CDH23: variants seen among roughly 807,000 people sequenced by gnomAD.
CDH23 encodes cadherin-23.
A neutral mutation model predicts 317.1 loss-of-function variants in CDH23; 189 were observed. That is an observed-to-expected ratio of 0.60 (90% CI 0.53 to 0.67). The LOEUF is 0.67. Among genes scored for constraint, CDH23 ranks in the 30% least tolerant of loss-of-function variants. CDH23 has a pLI of 0.00. For missense variants in CDH23, 4,401 were observed against 4,592.4 expected (o/e 0.96, Z 1.20); for synonymous variants, 1,839 against 1,876.8 (o/e 0.98, Z 0.52).
chr10:71,657,010 G>A (rs1032080952), intron 14 of CDH23, among the ~76,000 whole-genome samples: 5 of 152,194 alleles, frequency 3.3e-5, no homozygotes, highest in African/African-American at 4.8e-5. Context: ...AACCACGCAG[G>A]TGGGGACAGT....
intron 46 of CDH23, among the ~76,000 whole-genome samples, 163 bp from the exon 47 acceptor site, chr10:71,790,969 G>A (rs539844732): frequency 6.6e-6 from 1 of 152,360 alleles, no homozygotes; most frequent in East Asian, 1.9e-4. Context: ...GGGTGGTTGA[G>A]CCTGTGGGGG....
chr10:71,815,201 G>C lies in CDH23; in HGVS notation c.9988G>C (p.Glu3330Gln). The change falls in exon 70 of 70, where the codon GAA (glutamate) becomes CAA (glutamine). Residue 3330 changes from glutamate (E) to glutamine (Q), a missense_variant. Physicochemically the swap from Glu to Gln is conservative, Grantham distance 29. Around this residue, in one of 3 missense-constraint regions of CDH23, gnomAD observed 1,144 missense variants for 1,138.2 expected, o/e 1.01. Transcript: ENST00000224721. The part of the protein sequence containing the change: ...ATAFERNART[E>Q]SAKSTPLHKL... ...TGCCTTCGAGCGCAACGCCCGCACA[G>C]AATCCGCCAAATCCACACCCCTGCA... The C allele has an allele frequency of 6.2e-7, 1 of 1,607,018 alleles. No individual in the cohort carries two copies. The highest frequency in any genetic ancestry group is 1.1e-5 in the South Asian group (1 of 90,892).
rs766404226 is a variant in CDH23 at position 71,784,999 on chromosome 10, G to T, written c.5611G>T (p.Ala1871Ser). Residue 1871 changes from alanine (A) to serine (S), a missense_variant, in exon 43 of 70, where the codon GCC (alanine) becomes TCC (serine). By Grantham distance (99) the Ala-to-Ser change is moderately conservative. This residue lies in a region of CDH23 where 3,068 missense variants were observed against 3,203.3 expected (regional missense o/e 0.96). Transcript: ENST00000224721. ...GAACAGCCCTGTCTCCAGCTTTGTC[G>T]CCCATGTCCTGGCCAGTGACGCTGA... ...SENSPVSSFV[A>S]HVLASDADSG... 6.2e-7 allele frequency: 1 copy of T among 1,613,898 alleles called. No homozygotes were observed. The highest frequency in any genetic ancestry group is 8.5e-7 in the Non-Finnish European group (1 of 1,179,892).
At chr10:71,698,599 C>T (rs1865476316) in intron 22 of CDH23, among the ~76,000 whole-genome samples, 1 of 151,942 alleles carries the variant, frequency 6.6e-6, no homozygotes, top group Non-Finnish European at 1.5e-5. Context: ...ACTCAACTCT[C>T]CCCCAGCTCA....
rs1554868422 is a variant in CDH23 at position 71,759,820 on chromosome 10, T to TATACAC, written c.4846-17859_4846-17858insTACACA. ...GAGTGAAACCGTGTTTCAGAAAATA[T>TATACAC]ACACACACACACACACACACACACA... On this transcript the variant is annotated intron_variant, in intron 38 of 69. Coordinates refer to ENST00000224721, the MANE Select transcript of CDH23 (RefSeq NM_022124.6). Among the ~76,000 whole-genome samples the TATACAC allele has an allele frequency of 4.7e-5, 4 of 85,276 alleles. 1 individual carries two copies. Among genetic ancestry groups the TATACAC allele is most frequent in the Admixed American group, 2.6e-4 (2 of 7,616 alleles). 55.9% of individuals were successfully genotyped at this position (85,276 alleles called of 152,430 possible). A position where few individuals can be genotyped will look rare whatever the true frequency, so the allele number is the denominator to read the frequency against.
chr10:71,429,621 G>T (rs1451401190), intron 1 of CDH23, among the ~76,000 whole-genome samples: 1 of 152,194 alleles, frequency 6.6e-6, no homozygotes, highest in Non-Finnish European at 1.5e-5. Flanking sequence ...GGGGACAGGG[G>T]GGAAAGTCGT....
At chr10:71,561,395 TG>T (rs1857124426) in intron 6 of CDH23, among the ~76,000 whole-genome samples, 1 of 152,012 alleles carries the variant, frequency 6.6e-6, no homozygotes, top group African/African-American at 2.4e-5. Flanking sequence ...TTTTCTCCCT[TG>T]CTGCACACCC....
intron 19 of CDH23, among the ~76,000 whole-genome samples, chr10:71,689,095 G>A (rs1213036719): frequency 4.7e-5 from 6 of 127,656 alleles, no homozygotes; most frequent in Admixed American, 1.5e-4. Context: ...GGTGGAGCCA[G>A]GGGTGGTGGA....
At chr10:71,490,498 G>T (rs190767008) in intron 3 of CDH23, among the ~76,000 whole-genome samples, 1 of 152,324 alleles carries the variant, frequency 6.6e-6, no homozygotes, top group African/African-American at 2.4e-5. Flanking sequence ...AGTGAATAAT[G>T]AGTAGATTAG....
At chr10:71,454,503 T>C (rs1850594465) in intron 3 of CDH23, among the ~76,000 whole-genome samples, 1 of 152,196 alleles carries the variant, frequency 6.6e-6, no homozygotes, top group Non-Finnish European at 1.5e-5. Context: ...CAAAAGAACC[T>C]AGACTGGAAA....
At chr10:71,791,020 C>T in intron 46 of CDH23, 112 bp from the exon 47 acceptor site, 2 of 812,090 alleles carry the variant, frequency 2.5e-6, no homozygotes, top group Non-Finnish European at 4.0e-6. Context: ...TCTTTCATCT[C>T]TGTCCCATGG....
chr10:71,801,595 A>G (rs1012076508), intron 53 of CDH23, among the ~76,000 whole-genome samples: 3 of 152,070 alleles, frequency 2.0e-5, no homozygotes, highest in African/African-American at 7.3e-5. Context: ...CCCAGGCCTC[A>G]AGGTTTTGCT....
At chr10:71,583,584 T>C (rs547598584) in intron 9 of CDH23, among the ~76,000 whole-genome samples, 2 of 152,262 alleles carry the variant, frequency 1.3e-5, no homozygotes, top group East Asian at 1.9e-4. Context: ...GAGGTGCTGA[T>C]AGGACAAGTG....
intron 6 of CDH23, among the ~76,000 whole-genome samples, chr10:71,557,171 G>A (rs1856914492): frequency 6.6e-6 from 1 of 152,130 alleles, no homozygotes; most frequent in Admixed American, 6.5e-5. Context: ...TTATGTAAAT[G>A]TTATTCACAG....
chr10:71,460,113 G>A (rs1409436302), intron 3 of CDH23, among the ~76,000 whole-genome samples: 1 of 152,220 alleles, frequency 6.6e-6, no homozygotes, highest in Non-Finnish European at 1.5e-5. Context: ...GGGCTCATAG[G>A]CATTAAGCTG....
Position 71,446,315 on chromosome 10 carries a change from C to T in CDH23, c.68-3C>T, listed in dbSNP as rs142456469. ...GCTGACGCTCTTGTCCTCTGACTTC[C>T]AGGCCAGGTGAACCGGCTGCCCTTC... On this transcript the variant is annotated splice_polypyrimidine_tract_variant and splice_region_variant and intron_variant, in intron 2 of 69. Transcript: ENST00000224721. 209 of 1,614,012 alleles carry T rather than the reference C, an allele frequency of 1.3e-4. 1 individual carries two copies. In the East Asian group the frequency reaches 3.8e-3, roughly 29 times the overall value.
chr10:71,587,051 T>C (rs949848140), intron 9 of CDH23, among the ~76,000 whole-genome samples: 33 of 152,380 alleles, frequency 2.2e-4, no homozygotes, highest in African/African-American at 7.9e-4. Flanking sequence ...TTCAGCTACA[T>C]ACGTCATCTC....
chr10:71,753,719 C>T (rs1236184386), intron 38 of CDH23: 1 of 455,934 alleles, frequency 2.2e-6, no homozygotes, highest in Non-Finnish European at 4.4e-6. Context: ...CATGTCCTCC[C>T]ACAGATGCTT....
At chr10:71,414,315 G>A (rs963647749) in intron 1 of CDH23, among the ~76,000 whole-genome samples, 2 of 152,000 alleles carry the variant, frequency 1.3e-5, no homozygotes, top group African/African-American at 4.8e-5. Flanking sequence ...ACTAGCTGTG[G>A]GCTTTTCCAT....
Sources: gnomAD v4.1 joint callset for allele counts (sites outside exome capture counted in the v4.1 genomes callset) on GRCh38, gnomAD v4.1.1 for gene constraint, gnomAD v4.1.1 regional missense constraint, MANE v1.5 for transcripts, NCBI Gene and HGNC (gene_info 2026-07-23, HGNC 2026-07-21) for gene names.